The following ST18 variants were observed in gnomAD, a reference collection of about 807,000 sequenced individuals.
ST18 encodes suppression of tumorigenicity 18 protein.
Under a neutral mutation model 110.0 loss-of-function variants are expected in ST18, and 50 were observed. The observed-to-expected ratio is 0.45, with a 90% confidence interval of 0.36 to 0.58. The LOEUF is 0.58. ST18 is among the 20% of genes least tolerant of loss of function. The pLI, the probability that ST18 is intolerant of heterozygous loss-of-function variation, is 0.00. For synonymous variants in ST18, 461 were observed against 452.4 expected (o/e 1.02, Z -0.24); for missense variants, 1,306 against 1,280.1 (o/e 1.02, Z -0.31).
intron 7 of ST18, 46 bp downstream of exon 7, chr8:52,214,157 C>T: frequency 1.3e-6 from 2 of 1,595,072 alleles, no homozygotes; most frequent in Non-Finnish European, 1.7e-6. Flanking sequence ...GCTCATATTT[C>T]ATGGTGTGGT....
Position 52,166,913 on chromosome 8 carries a change from C to T in ST18, c.1143G>A (p.Gly381=). Residue 381 remains glycine, a synonymous_variant, in exon 11 of 26, where the codon GGG becomes GGA. Coordinates refer to ENST00000689386, the MANE Select transcript of ST18 (RefSeq NM_001352837.2). ...AAAGGCTGCGGTGGTGCGGGTAGAG[C>T]CCTGTCACGTGTCCCGTGCCATCAC... ...PGCDGTGHVT[G]LYPHHRSLSG... 6.2e-7 allele frequency: 1 copy of T among 1,612,596 alleles called. No homozygotes were observed. Among genetic ancestry groups the T allele is most frequent in the South Asian group, 1.1e-5 (1 of 90,942 alleles).
At chr8:52,368,352 A>G (rs1240728929) in intron 2 of ST18, among the ~76,000 whole-genome samples, 1 of 152,240 alleles carries the variant, frequency 6.6e-6, no homozygotes, top group African/African-American at 2.4e-5. Context: ...GTGAATAACA[A>G]CAAAATTTGG....
chr8:52,360,318 T>C (rs1341263699), intron 2 of ST18, among the ~76,000 whole-genome samples: 1 of 152,170 alleles, frequency 6.6e-6, no homozygotes, highest in African/African-American at 2.4e-5. Flanking sequence ...TATACAGATG[T>C]ATATTTAAAA....
chr8:52,269,168 C>G (rs1323269160), intron 2 of ST18, among the ~76,000 whole-genome samples: 1 of 152,250 alleles, frequency 6.6e-6, no homozygotes, highest in African/African-American at 2.4e-5. Context: ...GCGGCAATGA[C>G]TTTACACCTG....
chr8:52,284,640 G>A (rs1199432607), intron 2 of ST18, among the ~76,000 whole-genome samples: 1 of 151,910 alleles, frequency 6.6e-6, no homozygotes, highest in East Asian at 1.9e-4. Flanking sequence ...CCAGGTTTTG[G>A]TTAGAACAGC....
intron 5 of ST18, among the ~76,000 whole-genome samples, chr8:52,218,740 T>G (rs963623927): frequency 6.6e-6 from 1 of 151,896 alleles, no homozygotes; most frequent in Non-Finnish European, 1.5e-5. Context: ...ACATTCAACT[T>G]GCAGTAAGCA....
At chr8:52,373,971 C>G (rs187191497) in intron 2 of ST18, among the ~76,000 whole-genome samples, 2 of 152,130 alleles carry the variant, frequency 1.3e-5, no homozygotes, top group African/African-American at 4.8e-5. Flanking sequence ...CCAGGGCGAA[C>G]AGTTTTCGCC....
chr8:52,246,249 G>C (rs1006909839), intron 2 of ST18, among the ~76,000 whole-genome samples: 41 of 151,546 alleles, frequency 2.7e-4, no homozygotes, highest in African/African-American at 8.7e-4. Flanking sequence ...TCCTTAAAAA[G>C]GGAAAACTTA....
At chr8:52,150,560 T>C (rs1290269284) in intron 15 of ST18, among the ~76,000 whole-genome samples, 1 of 152,188 alleles carries the variant, frequency 6.6e-6, no homozygotes, top group East Asian at 1.9e-4. Flanking sequence ...GGAAATGCTT[T>C]GCTAAATTGT....
intron 2 of ST18, among the ~76,000 whole-genome samples, chr8:52,283,817 T>C (rs980553594): frequency 2.0e-5 from 3 of 152,208 alleles, no homozygotes; most frequent in Non-Finnish European, 2.9e-5. Flanking sequence ...CTTCTGAGTT[T>C]GCAATTTCTT....
At position 52,146,095 on chromosome 8, in the gene ST18, G is replaced by T. The variant is rs202222595; in HGVS notation, c.2053-3050C>A. On this transcript the variant is annotated intron_variant, in intron 16 of 25. Transcript: ENST00000689386. ...TTGTGTATGTGTCTTATGTGGTCGG[G>T]GGAGAGGGAAGTGGCAAAGGGAAAG... 5.9e-5 allele frequency among the ~76,000 whole-genome samples: 9 copies of T among 152,276 alleles called. No homozygotes were observed. In the East Asian group the frequency reaches 1.7e-3, roughly 29 times the overall value.
At chr8:52,388,279 C>T (rs1409132151) in intron 2 of ST18, among the ~76,000 whole-genome samples, 2 of 151,930 alleles carry the variant, frequency 1.3e-5, no homozygotes, top group Non-Finnish European at 2.9e-5. Context: ...CCGAGCACAC[C>T]TTGAATTCCT....
At chr8:52,147,736 C>T (rs935744963) in intron 16 of ST18, among the ~76,000 whole-genome samples, 1 of 152,002 alleles carries the variant, frequency 6.6e-6, no homozygotes, top group African/African-American at 2.4e-5. Flanking sequence ...TCTACTGGAC[C>T]CACATCCACA....
At chr8:52,198,271 C>G (rs576664838) in intron 8 of ST18, among the ~76,000 whole-genome samples, 6 of 152,256 alleles carry the variant, frequency 3.9e-5, no homozygotes, top group Admixed American at 2.6e-4. Context: ...TCCCAAAGTA[C>G]TGGGATTACA....
At chr8:52,375,075 G>C (rs11780938) in intron 2 of ST18, among the ~76,000 whole-genome samples, 114,636 of 151,834 alleles carry the variant, frequency 0.76, 48,162 homozygotes, top group Non-Finnish European at 0.93. Context: ...TGTCTCCCCT[G>C]ACTCAGGAAT....
chr8:52,377,678 T>C (rs1832928856), intron 2 of ST18, among the ~76,000 whole-genome samples: 1 of 152,212 alleles, frequency 6.6e-6, no homozygotes, highest in South Asian at 2.1e-4. Flanking sequence ...ACAACCACTA[T>C]GGAGAACAGT....
chr8:52,145,136 C>T (rs1393134363), intron 16 of ST18, among the ~76,000 whole-genome samples: 1 of 151,514 alleles, frequency 6.6e-6, no homozygotes, highest in Non-Finnish European at 1.5e-5. Context: ...AACAAAGTCT[C>T]TCTAAGAAGA....
chr8:52,119,190 T>C (rs887360909), intron 23 of ST18, among the ~76,000 whole-genome samples: 10 of 152,172 alleles, frequency 6.6e-5, no homozygotes, highest in African/African-American at 2.4e-4. Context: ...ATCTACACTG[T>C]GAGAATGAAT....
Position 52,149,806 on chromosome 8 carries a change from G to C in ST18, c.1978C>G (p.Leu660Val). Residue 660 changes from leucine (L) to valine (V), a missense_variant, in exon 16 of 26, where the codon CTT becomes GTT. Coordinates refer to ENST00000689386, the MANE Select transcript of ST18 (RefSeq NM_001352837.2). ...ILVNAAFYQA[L>V]CDQEGWDTPI... Reference sequence around the variant, plus strand: ...GTGTCCCAGCCCTCTTGGTCACAAAGAGCCTGATAGAATGCTGCATTGACC... The same window carrying C: ...GTGTCCCAGCCCTCTTGGTCACAAACAGCCTGATAGAATGCTGCATTGACC... The C allele has an allele frequency of 8.1e-6, 13 of 1,614,184 alleles. No homozygotes were observed. The highest frequency in any genetic ancestry group is 1.1e-5 in the Non-Finnish European group (13 of 1,180,012).
Sources: gnomAD v4.1 joint callset for allele counts (sites outside exome capture counted in the v4.1 genomes callset) on GRCh38, gnomAD v4.1.1 for gene constraint, MANE v1.5 for transcripts, NCBI Gene and HGNC (gene_info 2026-07-23, HGNC 2026-07-21) for gene names.